Variants in NCOA1 observed in about 807,000 individuals in gnomAD.
NCOA1 encodes the protein nuclear receptor coactivator 1, also known as Hin-2 protein.
A neutral mutation model predicts 150.9 loss-of-function variants in NCOA1; 35 were observed. The ratio of observed to expected loss-of-function variants is 0.23; its 90% confidence interval spans 0.18 to 0.31. The LOEUF is 0.31. NCOA1 is among the 10% of genes least tolerant of loss of function. NCOA1 has a pLI of 1.00. For missense variants in NCOA1, 1,491 were observed against 1,749.3 expected (o/e 0.85, Z 2.63); for synonymous variants, 590 against 630.0 (o/e 0.94, Z 0.95).
At chr2:24,521,421 C>A (rs763101641) in intron 1 of NCOA1, among the ~76,000 whole-genome samples, 1 of 152,142 alleles carries the variant, frequency 6.6e-6, no homozygotes, top group East Asian at 1.9e-4. Context: ...TGATAACCAT[C>A]ATTCTATTCT....
chr2:24,526,240 A>G (rs951185371), intron 1 of NCOA1, among the ~76,000 whole-genome samples: 2 of 152,154 alleles, frequency 1.3e-5, no homozygotes, highest in South Asian at 4.1e-4. Flanking sequence ...CAGTGTGATT[A>G]CAGTGATCCA....
chr2:24,716,747 A>G (rs1447403856), intron 14 of NCOA1, among the ~76,000 whole-genome samples: 1 of 152,228 alleles, frequency 6.6e-6, no homozygotes. Context: ...AAAGAAAATG[A>G]ATCAATAATC....
intron 3 of NCOA1, among the ~76,000 whole-genome samples, chr2:24,593,149 C>A (rs553963151): frequency 6.6e-6 from 1 of 152,106 alleles, no homozygotes; most frequent in South Asian, 2.1e-4. Flanking sequence ...TGTCAGAGGG[C>A]CAGAGTAAGT....
chr2:24,686,369 A>T (rs1339903265), intron 8 of NCOA1, among the ~76,000 whole-genome samples: 3 of 152,026 alleles, frequency 2.0e-5, no homozygotes, highest in Non-Finnish European at 4.4e-5. Flanking sequence ...TTTGTTAGTA[A>T]TTTTTTAATA....
rs528219701 is a variant in NCOA1, at chr2:24,621,145, T to TG, written c.-174-22815dup. ...GATTCTCATAATCTTGTGTGGTATG[T>TG]GGGGGGTGGGGAGGAGTTCCCTTAT... On this transcript the variant is annotated intron_variant, in intron 3 of 22. Transcript: ENST00000348332. 7.6e-3 allele frequency among the ~76,000 whole-genome samples: 1,163 copies of TG among 152,144 alleles called. 17 individuals carry two copies. Among genetic ancestry groups the TG allele is most frequent in the African/African-American group, 0.027 (1,105 of 41,488 alleles).
intron 3 of NCOA1, among the ~76,000 whole-genome samples, chr2:24,613,983 G>A (rs753636843): frequency 2.6e-5 from 4 of 152,090 alleles, no homozygotes; most frequent in Non-Finnish European, 5.9e-5. Context: ...GTTTGCCTTT[G>A]AAGGTGTTTT....
intron 1 of NCOA1, among the ~76,000 whole-genome samples, chr2:24,542,268 T>TAA (rs55907601): frequency 0.81 from 123,275 of 151,542 alleles, 51,790 homozygotes; most frequent in East Asian, 0.99. Flanking sequence ...AGAACTAACC[T>TAA]GATTAGTGAA....
intron 4 of NCOA1, among the ~76,000 whole-genome samples, chr2:24,647,130 G>T (rs766775223): frequency 3.3e-5 from 5 of 152,108 alleles, no homozygotes; most frequent in Non-Finnish European, 5.9e-5. Context: ...CTAGTTTTTA[G>T]ATGTGGTATA....
intron 7 of NCOA1, among the ~76,000 whole-genome samples, chr2:24,674,656 G>T (rs1441496022): frequency 2.0e-5 from 3 of 152,056 alleles, no homozygotes; most frequent in Non-Finnish European, 4.4e-5. Context: ...TTAGACACTG[G>T]ATATCTACAT....
chr2:24,496,733 G>T (rs967652401), intron 1 of NCOA1, among the ~76,000 whole-genome samples: 1 of 152,182 alleles, frequency 6.6e-6, no homozygotes, highest in Non-Finnish European at 1.5e-5. Flanking sequence ...TTACAGCTGA[G>T]CAGACTAAGT....
At chr2:24,629,809 C>T (rs1231772208) in intron 3 of NCOA1, among the ~76,000 whole-genome samples, 3 of 97,374 alleles carry the variant, frequency 3.1e-5, no homozygotes, top group African/African-American at 1.4e-4. Flanking sequence ...TTTTAAGTAA[C>T]ATACATACAT....
intron 4 of NCOA1, among the ~76,000 whole-genome samples, chr2:24,650,531 G>T (rs961918535): frequency 6.6e-6 from 1 of 151,988 alleles, no homozygotes; most frequent in Non-Finnish European, 1.5e-5. Flanking sequence ...TATCTGATAG[G>T]GGTCTAATAC....
intron 3 of NCOA1, among the ~76,000 whole-genome samples, chr2:24,629,018 A>C (rs186702279): frequency 6.6e-6 from 1 of 152,216 alleles, no homozygotes; most frequent in East Asian, 1.9e-4. Flanking sequence ...AAAGTGTGAT[A>C]GTGTAAAAAT....
In NCOA1 at chr2:24,693,341, A is replaced by G; in HGVS notation, c.802A>G (p.Thr268Ala). The change falls in exon 10 of 23, where the codon ACT becomes GCT. Residue 268 changes from threonine to alanine, a missense_variant. This residue lies in a region of NCOA1 where 99 missense variants were observed against 122.8 expected (regional missense o/e 0.81). Coordinates refer to ENST00000348332, the MANE Select transcript of NCOA1 (RefSeq NM_003743.5). ...GVESFMTKQD[T>A]TGKIISIDTS... ...AGAATCCTTTATGACCAAGCAAGATACTACAGGTACTAATTGTAAAGTTCA... is the reference window on the plus strand; with the variant it reads ...AGAATCCTTTATGACCAAGCAAGATGCTACAGGTACTAATTGTAAAGTTCA... 2 of 1,612,566 alleles carry G rather than the reference A, an allele frequency of 1.2e-6. No individual in the cohort carries two copies. The highest frequency in any genetic ancestry group is 1.7e-6 in the Non-Finnish European group (2 of 1,178,524).
intron 1 of NCOA1, among the ~76,000 whole-genome samples, chr2:24,519,802 G>C (rs75280499): frequency 6.6e-6 from 1 of 152,018 alleles, no homozygotes; most frequent in African/African-American, 2.4e-5. Context: ...AGAAAATTTA[G>C]TAGCAGTATT....
chr2:24,683,643 G>A (rs1672277593), intron 8 of NCOA1, among the ~76,000 whole-genome samples: 1 of 152,182 alleles, frequency 6.6e-6, no homozygotes, highest in African/African-American at 2.4e-5. Flanking sequence ...ACTGAACCCT[G>A]TGCCTTGGGG....
At chr2:24,668,222 GAGAAT>G (rs1671519725) in intron 6 of NCOA1, among the ~76,000 whole-genome samples, 1 of 152,086 alleles carries the variant, frequency 6.6e-6, no homozygotes, top group Non-Finnish European at 1.5e-5. Flanking sequence ...CCCAGAAAAA[GAGAAT>G]AGAACAAATG....
intron 1 of NCOA1, among the ~76,000 whole-genome samples, chr2:24,546,162 A>G (rs1245229064): frequency 6.6e-6 from 1 of 152,070 alleles, no homozygotes; most frequent in African/African-American, 2.4e-5. Context: ...CTATGATTGT[A>G]CTGCTGTACT....
rs1165615690 is a variant in NCOA1, at chr2:24,742,080, C to T, written c.3600C>T (p.Asn1200=). 2 of 1,614,218 alleles carry T rather than the reference C, an allele frequency of 1.2e-6. No individual in the cohort carries two copies. Among genetic ancestry groups the T allele is most frequent in the Middle Eastern group, 1.6e-4 (1 of 6,062 alleles). ...CAAATCCTGAAGCATCCTTGGCCAACCGCAACAGCATGGTGAGCAGAGGCA... is the reference window on the plus strand; with the variant it reads ...CAAATCCTGAAGCATCCTTGGCCAATCGCAACAGCATGGTGAGCAGAGGCA... ...LAANPEASLA[N]RNSMVSRGMT... Residue 1200 remains asparagine, a synonymous_variant, in exon 19 of 23, where the codon AAC becomes AAT. Coordinates refer to ENST00000348332, the MANE Select transcript of NCOA1 (RefSeq NM_003743.5).
Sources: allele counts gnomAD v4.1 joint callset (sites outside exome capture counted in the v4.1 genomes callset), GRCh38; gene constraint gnomAD v4.1.1; regional missense constraint gnomAD v4.1.1; transcripts MANE v1.5; gene names NCBI Gene and HGNC (gene_info 2026-07-23, HGNC 2026-07-21).